The following STOX2 variants were observed in gnomAD, a reference collection of about 807,000 sequenced individuals.
STOX2 encodes storkhead-box protein 2.
In STOX2, 28 loss-of-function variants were observed where a neutral mutation model predicts 60.9. The ratio of observed to expected loss-of-function variants is 0.46; its 90% CI spans 0.34 to 0.63. The LOEUF is 0.63. Among genes scored for constraint, STOX2 ranks in the 30% least tolerant of loss-of-function variants. The pLI is 0.01. For synonymous variants in STOX2, 472 were observed against 463.9 expected (o/e 1.02, Z -0.22); for missense variants, 1,024 against 1,187.7 (o/e 0.86, Z 2.03).
chr4:183,832,164 A>G (rs1739584665), intron 1 of STOX2, among the ~76,000 whole-genome samples: 1 of 150,970 alleles, frequency 6.6e-6, no homozygotes, highest in Admixed American at 6.6e-5. Flanking sequence ...TAATTTTTGT[A>G]TTTTTGGTAG....
intron 1 of STOX2, among the ~76,000 whole-genome samples, chr4:183,969,827 G>A (rs1055122625): frequency 6.6e-6 from 1 of 152,118 alleles, no homozygotes; most frequent in Non-Finnish European, 1.5e-5. Flanking sequence ...TCACTATATT[G>A]CTCAGGCTAG....
At chr4:183,854,748 C>A (rs1273686318) in intron 1 of STOX2, among the ~76,000 whole-genome samples, 1 of 152,136 alleles carries the variant, frequency 6.6e-6, no homozygotes, top group Admixed American at 6.5e-5. Flanking sequence ...TTAATGGAAT[C>A]ATTTCAACTT....
intron 1 of STOX2, among the ~76,000 whole-genome samples, chr4:183,961,639 C>T (rs998493508): frequency 3.9e-5 from 6 of 152,252 alleles, no homozygotes; most frequent in African/African-American, 1.4e-4. Context: ...GTATCTTCCA[C>T]AGTGGTGACG....
chr4:183,807,449 C>T (rs1738929939), intron 1 of STOX2, among the ~76,000 whole-genome samples: 1 of 151,300 alleles, frequency 6.6e-6, no homozygotes, highest in African/African-American at 2.4e-5. Flanking sequence ...TGCAAACCAC[C>T]TGTCAGCCTA....
At chr4:183,878,082 T>C (rs1356332634) in intron 1 of STOX2, among the ~76,000 whole-genome samples, 2 of 152,204 alleles carry the variant, frequency 1.3e-5, no homozygotes, top group East Asian at 3.8e-4. Flanking sequence ...ACCTGGAAAC[T>C]GAGTTGCAGA....
chr4:183,904,103 G>C (rs904622510), upstream of STOX2, among the ~76,000 whole-genome samples: 8 of 152,182 alleles, frequency 5.3e-5, no homozygotes, highest in African/African-American at 1.7e-4. Flanking sequence ...CTCCAAGCAT[G>C]GTTCACAATA....
rs373305303 is a variant in STOX2 at position 183,892,425 on chromosome 4, C to G, written c.364+94370C>G. ...TCCCGAGTAGCTGGGACTATGGGCG[C>G]CCGCCACCACGCCCGGCTAATTTTT... On this transcript the variant is annotated intron_variant, in intron 1 of 2. Transcript: ENST00000513034. Among the ~76,000 whole-genome samples the G allele has an allele frequency of 2.0e-3, 306 of 150,822 alleles. 2 individuals are homozygous for G. The highest frequency in any genetic ancestry group is 7.2e-3 in the African/African-American group (287 of 40,132).
intron 1 of STOX2, among the ~76,000 whole-genome samples, chr4:183,907,547 G>A (rs1008222224): frequency 3.0e-4 from 45 of 152,210 alleles, no homozygotes; most frequent in African/African-American, 1.1e-3. Context: ...AACATATGTT[G>A]CTTTGAATTA....
At chr4:183,808,213 C>A (rs1738952240) in intron 1 of STOX2, among the ~76,000 whole-genome samples, 1 of 152,242 alleles carries the variant, frequency 6.6e-6, no homozygotes, top group East Asian at 1.9e-4. Flanking sequence ...ATCCAGTTCT[C>A]TATCTCATCG....
intron 1 of STOX2, among the ~76,000 whole-genome samples, chr4:183,951,105 A>G (rs1020164104): frequency 8.0e-5 from 12 of 150,910 alleles, no homozygotes; most frequent in South Asian, 2.1e-4. Context: ...AGTCCCAGCT[A>G]CTCGGGAGGC....
intron 1 of STOX2, among the ~76,000 whole-genome samples, chr4:183,990,986 AT>A (rs1158597476): frequency 6.6e-6 from 1 of 152,190 alleles, no homozygotes; most frequent in Non-Finnish European, 1.5e-5. Context: ...CATATCAGAA[AT>A]TATTTAACTC....
At chr4:183,875,350 G>A (rs1015319762) in intron 1 of STOX2, among the ~76,000 whole-genome samples, 3 of 152,180 alleles carry the variant, frequency 2.0e-5, no homozygotes, top group Non-Finnish European at 4.4e-5. Context: ...TTTAGAAGAT[G>A]GGGCAGGGGA....
At chr4:183,989,862 AC>A (rs1733022717) in intron 1 of STOX2, among the ~76,000 whole-genome samples, 3 of 152,164 alleles carry the variant, frequency 2.0e-5, no homozygotes, top group Non-Finnish European at 4.4e-5. Flanking sequence ...GCATGGCTTT[AC>A]CCCCTCATCA....
At chr4:183,858,092 C>T (rs568897649) in intron 1 of STOX2, among the ~76,000 whole-genome samples, 1 of 152,244 alleles carries the variant, frequency 6.6e-6, no homozygotes, top group Non-Finnish European at 1.5e-5. Context: ...GGAAGGGCAA[C>T]CCCTGGGGAA....
rs529038817 is a variant in STOX2 at position 183,895,167 on chromosome 4, A to C, written c.364+97112A>C. ...AAATCGTGGACTGTCTCTGAGCCTT[A>C]GTTTTTCATCCTTTCTTATGATAGC... is the stretch of plus-strand genomic sequence containing the variant. On this transcript the variant is annotated intron_variant, in intron 1 of 2. Coordinates refer to the STOX2 transcript ENST00000513034. Among the ~76,000 whole-genome samples, 7 of 152,276 alleles carry C rather than the reference A, an allele frequency of 4.6e-5. No homozygotes were observed. In the East Asian group the frequency reaches 7.7e-4, roughly 17 times the overall value.
At position 183,825,676 on chromosome 4, in the gene STOX2, G is replaced by A. The variant is rs1308547829; in HGVS notation, c.364+27621G>A. ...TGGGCTTCCATTGTTATTTTCTGAG[G>A]ATAGCTTGACAGGACAGGGGCAACC... On this transcript the variant is annotated intron_variant, in intron 1 of 2. Transcript: ENST00000513034. The surrounding 1 kb of genome is among the most constrained non-coding windows in gnomAD (Gnocchi z 4.1). Among the ~76,000 whole-genome samples, 1 of 152,118 alleles carries A rather than the reference G, an allele frequency of 6.6e-6. No homozygotes were observed. Among genetic ancestry groups the A allele is most frequent in the South Asian group, 2.1e-4 (1 of 4,828 alleles).
intron 1 of STOX2, among the ~76,000 whole-genome samples, chr4:183,907,361 A>G (rs906568028): frequency 6.6e-6 from 1 of 152,184 alleles, no homozygotes; most frequent in Non-Finnish European, 1.5e-5. Context: ...CCTGTTCTCC[A>G]AAAGGAACAG....
chr4:183,849,709 C>T lies in STOX2; in HGVS notation c.364+51654C>T, dbSNP rs148178291. On this transcript the variant is annotated intron_variant, in intron 1 of 2. Transcript: ENST00000513034. The stretch of plus-strand genomic sequence containing the variant: ...CTACAGCCAGAAATAAAGACTGGAG[C>T]CATCCACACATCGGGATCAGGATGG... Among the ~76,000 whole-genome samples the T allele has an allele frequency of 3.2e-3, 487 of 152,194 alleles. 3 individuals are homozygous for T. The highest frequency in any genetic ancestry group is 0.011 in the African/African-American group (465 of 41,534).
chr4:183,957,165 TAA>T lies in STOX2; in HGVS notation c.167-44159_167-44158del, dbSNP rs1743274755. Among the ~76,000 whole-genome samples the T allele has an allele frequency of 6.7e-5, 10 of 148,646 alleles. No homozygotes were observed. The South Asian group carries it at 2.1e-3, about 31-fold the overall frequency. On this transcript the variant is annotated intron_variant, in intron 1 of 3. Coordinates refer to ENST00000308497, the MANE Select transcript of STOX2 (RefSeq NM_020225.3). ...ACTTAAAGTATAATAATAATAATAA[TAA>T]TAATAATAATAATAATAAAAGAAAA...
Sources: gnomAD v4.1 joint callset for allele counts (sites outside exome capture counted in the v4.1 genomes callset) on GRCh38, gnomAD v4.1.1 for gene constraint, Gnocchi (gnomAD v3.1) non-coding constraint, MANE v1.5 for transcripts, NCBI Gene and HGNC (gene_info 2026-07-23, HGNC 2026-07-21) for gene names.